The following SEMA3E variants were observed in gnomAD, a reference collection of about 807,000 sequenced individuals.
SEMA3E encodes semaphorin-3E.
A neutral mutation model predicts 93.6 loss-of-function variants in SEMA3E; 49 were observed. The ratio of observed to expected loss-of-function variants is 0.52; its 90% CI spans 0.42 to 0.66. SEMA3E has a LOEUF of 0.66. Ranked by LOEUF, SEMA3E falls within the 30% of genes least tolerant of loss-of-function variation. SEMA3E has a pLI of 0.00. For synonymous variants in SEMA3E, 363 were observed against 330.7 expected (o/e 1.10, Z -1.06); for missense variants, 906 against 964.8 (o/e 0.94, Z 0.81).
intron 15 of SEMA3E, among the ~76,000 whole-genome samples, chr7:83,386,542 A>G (rs1309093228): frequency 6.6e-6 from 1 of 152,172 alleles, no homozygotes; most frequent in Non-Finnish European, 1.5e-5. Context: ...AACTTAGATA[A>G]AAGAGTAAAA....
chr7:83,495,366 C>G (rs941943842), intron 1 of SEMA3E, among the ~76,000 whole-genome samples: 8 of 151,772 alleles, frequency 5.3e-5, no homozygotes, highest in African/African-American at 1.9e-4. Flanking sequence ...GAGAAGAATG[C>G]TTCTATTTCC....
At chr7:83,458,580 G>C (rs964310929) in intron 4 of SEMA3E, among the ~76,000 whole-genome samples, 2 of 151,934 alleles carry the variant, frequency 1.3e-5, no homozygotes, top group African/African-American at 4.8e-5. Context: ...ATGAAAGGTA[G>C]TGCCTGGAAA....
intron 4 of SEMA3E, among the ~76,000 whole-genome samples, chr7:83,441,650 G>A (rs1789116820): frequency 6.6e-6 from 1 of 152,090 alleles, no homozygotes; most frequent in African/African-American, 2.4e-5. Context: ...CTATATGTGA[G>A]GTAAGCTCCA....
chr7:83,426,489 A>G (rs1295616028), intron 4 of SEMA3E, among the ~76,000 whole-genome samples: 2 of 152,170 alleles, frequency 1.3e-5, no homozygotes, highest in East Asian at 3.9e-4. Context: ...CAAATGTCAC[A>G]TGTTCTCACT....
intron 1 of SEMA3E, among the ~76,000 whole-genome samples, chr7:83,603,486 A>C (rs532302651): frequency 6.6e-6 from 1 of 152,282 alleles, no homozygotes; most frequent in South Asian, 2.1e-4. Context: ...TAACAAAGCT[A>C]ATACTACTTA....
At chr7:83,556,819 A>G (rs1791905314) in intron 1 of SEMA3E, among the ~76,000 whole-genome samples, 1 of 152,202 alleles carries the variant, frequency 6.6e-6, no homozygotes, top group Non-Finnish European at 1.5e-5. Context: ...TTCTGCCCTC[A>G]TGAAAGGATT....
chr7:83,398,806 T>C (rs1478820924), intron 11 of SEMA3E, among the ~76,000 whole-genome samples: 1 of 152,008 alleles, frequency 6.6e-6, no homozygotes, highest in Non-Finnish European at 1.5e-5. Context: ...TAGGCGGGCA[T>C]GGTGGCACAT....
At chr7:83,377,116 C>T (rs1427078659) in intron 16 of SEMA3E, among the ~76,000 whole-genome samples, 6 of 151,964 alleles carry the variant, frequency 3.9e-5, no homozygotes, top group Non-Finnish European at 8.8e-5. Context: ...TTGGGATATA[C>T]TTAGATTTTG....
intron 1 of SEMA3E, among the ~76,000 whole-genome samples, chr7:83,607,539 G>GT (rs1793149729): frequency 1.3e-5 from 2 of 152,032 alleles, no homozygotes; most frequent in Non-Finnish European, 2.9e-5. Context: ...ATATTTATAA[G>GT]ATTCTATACA....
chr7:83,475,296 A>T (rs1432437620), intron 2 of SEMA3E, among the ~76,000 whole-genome samples: 1 of 152,166 alleles, frequency 6.6e-6, no homozygotes, highest in African/African-American at 2.4e-5. Context: ...ATTTCCAGTT[A>T]AACACACTGT....
At chr7:83,613,802 C>A (rs962498930) in intron 1 of SEMA3E, among the ~76,000 whole-genome samples, 2 of 152,080 alleles carry the variant, frequency 1.3e-5, no homozygotes, top group South Asian at 2.1e-4. Flanking sequence ...ACTGAAACTA[C>A]ATATTTCGTC....
chr7:83,558,209 T>C (rs1305278194), intron 1 of SEMA3E, among the ~76,000 whole-genome samples: 1 of 152,176 alleles, frequency 6.6e-6, no homozygotes, highest in Non-Finnish European at 1.5e-5. Flanking sequence ...GATGTATATA[T>C]ATTTTTTAAA....
chr7:83,418,266 A>G (rs1788597506), intron 5 of SEMA3E, 124 bp downstream of exon 5: 1 of 754,192 alleles, frequency 1.3e-6, no homozygotes, highest in East Asian at 2.7e-5. Context: ...TGCTTCGAGC[A>G]TCAGAAAATA....
chr7:83,543,486 C>A (rs1014198591), intron 1 of SEMA3E, among the ~76,000 whole-genome samples: 1 of 151,952 alleles, frequency 6.6e-6, no homozygotes, highest in Non-Finnish European at 1.5e-5. Flanking sequence ...GTTTTGATTT[C>A]TCAATATGGT....
In SEMA3E at chr7:83,604,809, G is replaced by A. The variant is rs180951369; in HGVS notation, c.115+43619C>T. On this transcript the variant is annotated intron_variant, in intron 1 of 16. Coordinates refer to ENST00000643230, the MANE Select transcript of SEMA3E (RefSeq NM_012431.3). ...CGCCCCCCACCCGCTGATAGGCCCT[G>A]GTGTGTGTCGTTCCCCTCCCTGTGT... 2.7e-3 allele frequency among the ~76,000 whole-genome samples: 409 copies of A among 151,944 alleles called. 2 individuals are homozygous for A. The highest frequency in any genetic ancestry group is 9.2e-3 in the African/African-American group (382 of 41,456).
chr7:83,391,255 C>T (rs927342334), intron 14 of SEMA3E, among the ~76,000 whole-genome samples: 1 of 152,044 alleles, frequency 6.6e-6, no homozygotes, highest in East Asian at 1.9e-4. Flanking sequence ...ATATGCATTG[C>T]TCTTAATCCA....
chr7:83,606,005 G>A (rs370470649), intron 1 of SEMA3E, among the ~76,000 whole-genome samples: 4 of 151,978 alleles, frequency 2.6e-5, no homozygotes, highest in Admixed American at 6.6e-5. Context: ...TGGTATTTTC[G>A]TCATGAGATC....
At chr7:83,600,639 G>A (rs968650017) in intron 1 of SEMA3E, among the ~76,000 whole-genome samples, 10 of 151,414 alleles carry the variant, frequency 6.6e-5, no homozygotes, top group African/African-American at 1.7e-4. Flanking sequence ...CAGCCACGGC[G>A]CCTGGCCGAA....
At position 83,365,564 on chromosome 7, in the gene SEMA3E, C is replaced by T; in HGVS notation, c.*2022G>A. Reference sequence around the variant, plus strand: ...TATATGGACTTCTTATGACTTGTGTCATAGAAAAGCTATTTTCCTCTGCCT... The same window carrying T: ...TATATGGACTTCTTATGACTTGTGTTATAGAAAAGCTATTTTCCTCTGCCT... On this transcript the variant is annotated 3_prime_UTR_variant, in exon 17 of 17. Coordinates refer to ENST00000643230, the MANE Select transcript of SEMA3E (RefSeq NM_012431.3). 6.6e-6 allele frequency: 1 copy of T among 152,098 alleles called. No individual in the cohort carries two copies. The highest frequency in any genetic ancestry group is 1.9e-4 in the East Asian group (1 of 5,198). The allele number at this position is 152,098 out of a possible 1,614,324, so 9.4% of individuals were successfully genotyped here.
Sources: allele counts gnomAD v4.1 joint callset (sites outside exome capture counted in the v4.1 genomes callset), GRCh38; gene constraint gnomAD v4.1.1; transcripts MANE v1.5; gene names NCBI Gene and HGNC (gene_info 2026-07-23, HGNC 2026-07-21).